The following ADGRB3 variants were observed in gnomAD, a reference collection of about 807,000 sequenced individuals.
The protein encoded by ADGRB3 is brain-specific angiogenesis inhibitor 3.
ADGRB3 carries 37 observed loss-of-function variants against 193.4 expected under a neutral mutation model. The observed-to-expected ratio is 0.19, with a 90% CI of 0.15 to 0.25. The LOEUF (loss-of-function observed/expected upper bound fraction) is 0.25, where lower values mean the gene tolerates loss of function less well. Ranked by LOEUF, ADGRB3 falls within the 10% of genes least tolerant of loss-of-function variation. The probability of loss-of-function intolerance (pLI) is 1.00; values close to 1 mark genes in which losing one functional copy is unlikely to be tolerated. For synonymous variants in ADGRB3, 690 were observed against 644.2 expected, an observed-to-expected ratio of 1.07 and a Z score of -1.08; for missense variants, 1,637 against 1,852.9, an observed-to-expected ratio of 0.88 and a Z score of 2.14.
At chr6:68,893,727 C>CAAAT (rs1381714008) in intron 3 of ADGRB3, among the ~76,000 whole-genome samples, 1 of 151,796 alleles carries the variant, frequency 6.6e-6, no homozygotes, top group Admixed American at 6.6e-5. Flanking sequence ...AACTTATTTC[C>CAAAT]AAATATAAGT....
chr6:68,700,709 A>T (rs752640820), intron 3 of ADGRB3, among the ~76,000 whole-genome samples: 7 of 151,456 alleles, frequency 4.6e-5, no homozygotes, highest in Non-Finnish European at 8.8e-5. Flanking sequence ...TTCTCAGCAA[A>T]CTATCGCAAG....
chr6:68,774,053 T>A (rs182373036), intron 3 of ADGRB3, among the ~76,000 whole-genome samples: 1 of 152,264 alleles, frequency 6.6e-6, no homozygotes, highest in Non-Finnish European at 1.5e-5. Flanking sequence ...TTACATGCAA[T>A]GTATTTTCTT....
chr6:69,255,160 A>G (rs187791219), intron 20 of ADGRB3, among the ~76,000 whole-genome samples: 2 of 152,252 alleles, frequency 1.3e-5, no homozygotes, highest in East Asian at 3.9e-4. Flanking sequence ...TAGTGCCACA[A>G]TAAACATACG....
At chr6:68,919,673 G>T (rs1407599665) in intron 3 of ADGRB3, among the ~76,000 whole-genome samples, 1 of 152,176 alleles carries the variant, frequency 6.6e-6, no homozygotes, top group East Asian at 1.9e-4. Context: ...GCCAAGGAAG[G>T]TGAGCATTTC....
At chr6:69,357,200 C>T (rs1769354946) in intron 28 of ADGRB3, among the ~76,000 whole-genome samples, 1 of 152,014 alleles carries the variant, frequency 6.6e-6, no homozygotes, top group Non-Finnish European at 1.5e-5. Flanking sequence ...CAGCATTTAT[C>T]ACAGTGGGCT....
intron 20 of ADGRB3, among the ~76,000 whole-genome samples, chr6:69,279,496 A>T (rs1343445110): frequency 2.0e-5 from 3 of 151,922 alleles, no homozygotes; most frequent in African/African-American, 7.3e-5. Context: ...CTATTTCTTA[A>T]GTAATGATGC....
chr6:69,183,491 G>A (rs1434397526), intron 17 of ADGRB3, among the ~76,000 whole-genome samples: 1 of 152,010 alleles, frequency 6.6e-6, no homozygotes, highest in Admixed American at 6.6e-5. Flanking sequence ...TTTCTGAAGT[G>A]CTCCAGTAAC....
chr6:69,237,700 T>C (rs2038059071), intron 19 of ADGRB3, among the ~76,000 whole-genome samples: 1 of 152,096 alleles, frequency 6.6e-6, no homozygotes, highest in South Asian at 2.1e-4. Flanking sequence ...AAAACCCTTT[T>C]CATAATGTCA....
At chr6:69,189,520 G>A (rs1765142125) in intron 17 of ADGRB3, among the ~76,000 whole-genome samples, 1 of 152,178 alleles carries the variant, frequency 6.6e-6, no homozygotes, top group Non-Finnish European at 1.5e-5. Flanking sequence ...AATTATTAAT[G>A]TGACTATGAT....
At chr6:69,155,952 T>A (rs1022447091) in intron 17 of ADGRB3, among the ~76,000 whole-genome samples, 1 of 152,140 alleles carries the variant, frequency 6.6e-6, no homozygotes, top group Non-Finnish European at 1.5e-5. Flanking sequence ...TTTGTTCTTA[T>A]GTTTCTTATA....
chr6:68,698,798 T>A (rs1765195401), intron 3 of ADGRB3, among the ~76,000 whole-genome samples: 1 of 152,122 alleles, frequency 6.6e-6, no homozygotes, highest in African/African-American at 2.4e-5. Context: ...GGTGTTGTGA[T>A]CTGCTTTTTG....
chr6:69,143,000 C>G (rs891034896), intron 17 of ADGRB3, among the ~76,000 whole-genome samples: 19 of 152,186 alleles, frequency 1.2e-4, no homozygotes, highest in African/African-American at 4.3e-4. Flanking sequence ...CTCCCACCAA[C>G]AGTGGATGAA....
chr6:69,145,498 T>A (rs773550795), intron 17 of ADGRB3, among the ~76,000 whole-genome samples: 54 of 152,260 alleles, frequency 3.5e-4, no homozygotes, highest in Non-Finnish European at 5.7e-4. Context: ...CTCTCTTCTC[T>A]CCTTTTCATT....
At chr6:68,681,194 A>G (rs1764887984) in intron 3 of ADGRB3, among the ~76,000 whole-genome samples, 1 of 152,214 alleles carries the variant, frequency 6.6e-6, no homozygotes, top group Non-Finnish European at 1.5e-5. Flanking sequence ...ACACCAAGCC[A>G]TTCATGAAAA....
chr6:68,722,023 T>C (rs1322520807), intron 3 of ADGRB3, among the ~76,000 whole-genome samples: 1 of 151,724 alleles, frequency 6.6e-6, no homozygotes, highest in Admixed American at 6.6e-5. Flanking sequence ...ATTCTACAGT[T>C]GTGTCTACAT....
intron 20 of ADGRB3, among the ~76,000 whole-genome samples, chr6:69,280,333 G>A (rs1340579042): frequency 6.6e-6 from 1 of 152,062 alleles, no homozygotes; most frequent in East Asian, 1.9e-4. Context: ...AACCTATTGT[G>A]GAACCTGTCT....
intron 3 of ADGRB3, among the ~76,000 whole-genome samples, chr6:68,860,571 C>A (rs149027452): frequency 1.5e-4 from 23 of 152,286 alleles, no homozygotes; most frequent in African/African-American, 4.8e-4. Flanking sequence ...TGATTTCATT[C>A]TTTTTTATGG....
chr6:68,740,140 A>G (rs1445153607), intron 3 of ADGRB3, among the ~76,000 whole-genome samples: 2 of 152,200 alleles, frequency 1.3e-5, no homozygotes, highest in East Asian at 1.9e-4. Context: ...TCTGATAATT[A>G]ATAAAGAATT....
At chr6:69,107,054 A>G (rs1026032360) in intron 17 of ADGRB3, among the ~76,000 whole-genome samples, 1 of 152,172 alleles carries the variant, frequency 6.6e-6, no homozygotes, top group African/African-American at 2.4e-5. Flanking sequence ...CCACTATTTT[A>G]TGTAAATGTA....
Sources: gnomAD v4.1 joint callset for allele counts (sites outside exome capture counted in the v4.1 genomes callset) on GRCh38, gnomAD v4.1.1 for gene constraint, MANE v1.5 for transcripts, NCBI Gene and HGNC (gene_info 2026-07-23, HGNC 2026-07-21) for gene names.